The following LRRIQ1 variants were observed in gnomAD, a reference collection of about 807,000 sequenced individuals.
LRRIQ1 encodes leucine-rich repeat- and IQ domain-containing protein 1.
LRRIQ1 carries 210 observed loss-of-function variants against 211.9 expected under a neutral mutation model. The ratio of observed to expected loss-of-function variants is 0.99; its 90% CI spans 0.89 to 1.11. The LOEUF (loss-of-function observed/expected upper bound fraction) is 1.11. Among genes scored for constraint, LRRIQ1 ranks in the 50% most tolerant of loss-of-function variants. LRRIQ1 has a pLI of 0.00. For synonymous variants in LRRIQ1, 699 were observed against 650.1 expected (o/e 1.08, Z -1.14); for missense variants, 2,136 against 1,939.5 (o/e 1.10, Z -1.90).
intron 24 of LRRIQ1, among the ~76,000 whole-genome samples, chr12:85,229,062 A>C (rs534840463): frequency 6.6e-6 from 1 of 152,278 alleles, no homozygotes; most frequent in South Asian, 2.1e-4. Flanking sequence ...ACACAAAGCA[A>C]GCTCAGTTTT....
At chr12:85,160,383 G>A (rs1399120518) in intron 23 of LRRIQ1, among the ~76,000 whole-genome samples, 1 of 151,962 alleles carries the variant, frequency 6.6e-6, no homozygotes, top group Non-Finnish European at 1.5e-5. Context: ...GAAAAGTAGA[G>A]TATTTCTGTT....
chr12:85,116,297 C>T (rs1016980570), intron 15 of LRRIQ1, among the ~76,000 whole-genome samples: 2 of 152,070 alleles, frequency 1.3e-5, no homozygotes, highest in Non-Finnish European at 2.9e-5. Flanking sequence ...CGCCCACCAC[C>T]ACGCCTGGCT....
intron 18 of LRRIQ1, among the ~76,000 whole-genome samples, chr12:85,136,897 G>C (rs1565861216): frequency 6.6e-6 from 1 of 151,404 alleles, no homozygotes; most frequent in East Asian, 1.9e-4. Flanking sequence ...TTATATTTTA[G>C]GCATTTCTTT....
At chr12:85,233,170 G>T (rs1440297725) in intron 26 of LRRIQ1, 1 of 202,140 alleles carries the variant, frequency 4.9e-6, no homozygotes, top group Non-Finnish European at 9.9e-6. Context: ...ACCACTCTAT[G>T]TAATAAAGTG....
chr12:85,078,228 G>A (rs1295851465), intron 11 of LRRIQ1, among the ~76,000 whole-genome samples: 2 of 152,110 alleles, frequency 1.3e-5, no homozygotes, highest in Admixed American at 1.3e-4. Flanking sequence ...TAAACTCCTT[G>A]TTTTATTAAG....
At chr12:85,064,106 A>G (rs1882157451) in intron 8 of LRRIQ1, among the ~76,000 whole-genome samples, 1 of 151,772 alleles carries the variant, frequency 6.6e-6, no homozygotes, top group Non-Finnish European at 1.5e-5. Flanking sequence ...GAATCTCCAA[A>G]CTGTTCTCCA....
At chr12:85,202,993 A>G (rs751431900) in intron 24 of LRRIQ1, among the ~76,000 whole-genome samples, 5 of 151,968 alleles carry the variant, frequency 3.3e-5, no homozygotes, top group Non-Finnish European at 5.9e-5. Context: ...GGAATTTGAT[A>G]CAGTTTGGCT....
At chr12:85,190,779 AC>A (rs1892474729) in intron 24 of LRRIQ1, among the ~76,000 whole-genome samples, 2 of 152,000 alleles carry the variant, frequency 1.3e-5, no homozygotes, top group East Asian at 1.9e-4. Flanking sequence ...AAGTGTAGAC[AC>A]CACTGCTGAG....
intron 1 of LRRIQ1, among the ~76,000 whole-genome samples, chr12:85,258,121 C>G (rs1365982514): frequency 6.6e-6 from 1 of 151,194 alleles, no homozygotes; most frequent in Non-Finnish European, 1.5e-5. Flanking sequence ...TACAGTCATT[C>G]TGAATTGTTT....
intron 18 of LRRIQ1, among the ~76,000 whole-genome samples, chr12:85,133,148 C>T (rs1476341316): frequency 6.6e-6 from 1 of 151,992 alleles, no homozygotes; most frequent in East Asian, 1.9e-4. Flanking sequence ...TAATCACATG[C>T]TTATCATTGT....
In LRRIQ1 at chr12:85,056,201, T is replaced by G. The variant is rs1881037251; in HGVS notation, c.1408T>G (p.Ser470Ala). 6.4e-7 allele frequency: 1 copy of G among 1,573,644 alleles called. No individual in the cohort carries two copies. The highest frequency in any genetic ancestry group is 8.6e-7 in the Non-Finnish European group (1 of 1,168,774). ...SIQVKLKESI[S>A]SQTILADFKM... is the part of the protein sequence containing the mutation. Reference sequence around the variant, plus strand: ...ACAAGTAAAGTTAAAAGAATCTATATCAAGCCAAACAATTCTGGCAGATTT... The same window carrying G: ...ACAAGTAAAGTTAAAAGAATCTATAGCAAGCCAAACAATTCTGGCAGATTT... The change falls in exon 8 of 27, where the codon TCA (serine) becomes GCA (alanine). Residue 470 changes from serine to alanine, a missense_variant. By Grantham distance (99) the Ser-to-Ala change is moderately conservative (BLOSUM62 1). Transcript: ENST00000393217.
At chr12:85,174,722 A>AAAAAAAAAAAAAAAC (rs1406032155) in intron 24 of LRRIQ1, among the ~76,000 whole-genome samples, 1 of 150,030 alleles carries the variant, frequency 6.7e-6, no homozygotes, top group African/African-American at 2.4e-5. Flanking sequence ...AAAAAAAAAA[A>AAAAAAAAAAAAAAAC]ATCTGAGATC....
chr12:85,100,074 A>G (rs568698259), intron 13 of LRRIQ1, among the ~76,000 whole-genome samples: 3 of 151,950 alleles, frequency 2.0e-5, no homozygotes, highest in African/African-American at 7.2e-5. Flanking sequence ...GGTACAGAGT[A>G]TACTTTCAAA....
chr12:85,214,889 T>C (rs1894005425), intron 24 of LRRIQ1, among the ~76,000 whole-genome samples: 1 of 152,060 alleles, frequency 6.6e-6, no homozygotes, highest in Admixed American at 6.6e-5. Flanking sequence ...AAAGATGTCA[T>C]AATAGTAGTG....
chr12:85,113,757 A>G (rs1028624447), intron 15 of LRRIQ1, among the ~76,000 whole-genome samples: 1 of 152,180 alleles, frequency 6.6e-6, no homozygotes, highest in Admixed American at 6.6e-5. Flanking sequence ...TTGTGAAACT[A>G]CAGTACTCAG....
chr12:85,223,594 C>A (rs562335031), intron 24 of LRRIQ1, among the ~76,000 whole-genome samples: 10 of 152,054 alleles, frequency 6.6e-5, no homozygotes, highest in African/African-American at 2.4e-4. Flanking sequence ...TTGGGAAATA[C>A]CTATAAATTA....
chr12:85,146,340 A>G (rs1458605875), intron 19 of LRRIQ1, among the ~76,000 whole-genome samples: 1 of 151,774 alleles, frequency 6.6e-6, no homozygotes, highest in Non-Finnish European at 1.5e-5. Flanking sequence ...GAAAATATCC[A>G]CATCTGTTTC....
chr12:85,060,461 C>A (rs1414006746), intron 8 of LRRIQ1, among the ~76,000 whole-genome samples: 1 of 151,754 alleles, frequency 6.6e-6, no homozygotes, highest in Non-Finnish European at 1.5e-5. Context: ...GGGCACTGAG[C>A]TTAAGGATTT....
chr12:85,217,369 T>A (rs977397782), intron 24 of LRRIQ1, among the ~76,000 whole-genome samples: 1 of 149,418 alleles, frequency 6.7e-6, no homozygotes, highest in African/African-American at 2.5e-5. Context: ...TAAAACCACC[T>A]ACTTGTCCCT....
Sources: gnomAD v4.1 joint callset for allele counts (sites outside exome capture counted in the v4.1 genomes callset) on GRCh38, gnomAD v4.1.1 for gene constraint, MANE v1.5 for transcripts, NCBI Gene and HGNC (gene_info 2026-07-23, HGNC 2026-07-21) for gene names.